The following RUNX2 variants were observed in gnomAD, a reference collection of about 807,000 sequenced individuals.
RUNX2 encodes runt-related transcription factor 2.
In RUNX2, 10 loss-of-function variants were observed where a neutral mutation model predicts 51.7. That is an observed-to-expected ratio of 0.19 (90% CI 0.12 to 0.33). RUNX2 has a LOEUF of 0.33. Among genes scored for constraint, RUNX2 ranks in the 10% least tolerant of loss-of-function variants. The pLI is 1.00. For missense variants in RUNX2, 562 were observed against 691.3 expected (o/e 0.81, Z 2.10); for synonymous variants, 276 against 273.6 (o/e 1.01, Z -0.09).
chr6:45,445,837 T>C (rs1327310007), intron 5 of RUNX2, among the ~76,000 whole-genome samples: 1 of 141,786 alleles, frequency 7.1e-6, no homozygotes, highest in East Asian at 2.2e-4. Flanking sequence ...GGCGGGGGGA[T>C]GGGTCAGAAG....
At chr6:45,469,420 T>C (rs1799733118) in intron 5 of RUNX2, among the ~76,000 whole-genome samples, 1 of 152,228 alleles carries the variant, frequency 6.6e-6, no homozygotes, top group Non-Finnish European at 1.5e-5. Flanking sequence ...TATCCTCATG[T>C]CATAAACTTC....
intron 2 of RUNX2, among the ~76,000 whole-genome samples, chr6:45,348,092 T>C (rs761532351): frequency 1.3e-5 from 2 of 152,146 alleles, no homozygotes; most frequent in Non-Finnish European, 2.9e-5. Flanking sequence ...GTCTAGCTTA[T>C]AGTTTTTACG....
intron 4 of RUNX2, among the ~76,000 whole-genome samples, chr6:45,432,813 A>G (rs1349812288): frequency 6.6e-6 from 1 of 152,178 alleles, no homozygotes. Flanking sequence ...GACTTTTACT[A>G]GTTACTCACT....
At chr6:45,469,434 T>C (rs1481843666) in intron 5 of RUNX2, among the ~76,000 whole-genome samples, 2 of 152,240 alleles carry the variant, frequency 1.3e-5, no homozygotes, top group Non-Finnish European at 2.9e-5. Context: ...AAACTTCTAA[T>C]AGTACAAAAT....
At chr6:45,361,198 A>T (rs1033922203) in intron 2 of RUNX2, among the ~76,000 whole-genome samples, 6 of 152,138 alleles carry the variant, frequency 3.9e-5, no homozygotes, top group Non-Finnish European at 5.9e-5. Context: ...TCTGATTAAA[A>T]TTTTTTTAAT....
At chr6:45,419,931 C>T (rs1798143787) in intron 2 of RUNX2, among the ~76,000 whole-genome samples, 1 of 150,274 alleles carries the variant, frequency 6.7e-6, no homozygotes, top group Admixed American at 6.6e-5. Flanking sequence ...GGGAGGGGCG[C>T]GGCTTGGGGC....
At chr6:45,412,906 C>T (rs113452770) in intron 2 of RUNX2, among the ~76,000 whole-genome samples, 22 of 152,106 alleles carry the variant, frequency 1.4e-4, no homozygotes, top group South Asian at 4.2e-4. Context: ...CCACCACACT[C>T]GGCTGATTTT....
chr6:45,403,601 A>G (rs965941577), intron 2 of RUNX2, among the ~76,000 whole-genome samples: 2 of 152,172 alleles, frequency 1.3e-5, no homozygotes, highest in Non-Finnish European at 2.9e-5. Context: ...TAGTCTATTC[A>G]AGGAACTAGA....
At position 45,422,789 on chromosome 6, in the gene RUNX2, G is replaced by GGCGGCA. The variant is rs1301305637; in HGVS notation, c.258_263dup (p.Ala88_Ala89dup). On this transcript the variant is annotated inframe_insertion, in exon 3 of 9. Coordinates refer to ENST00000647337, the MANE Select transcript of RUNX2 (RefSeq NM_001024630.4). ...CTGCGGCGGCGGCGGCGGCTGCGGC[G>GGCGGCA]GCGGCAGCTGCAGTGCCCCGGTTGC... 1 of 1,482,248 alleles carries GGCGGCA rather than the reference G, an allele frequency of 6.7e-7. No homozygotes were observed. The highest frequency in any genetic ancestry group is 8.9e-7 in the Non-Finnish European group (1 of 1,121,028). The allele number at this position is 1,482,248 out of a possible 1,614,324, so 91.8% of individuals were successfully genotyped here. A position where few individuals can be genotyped will look rare whatever the true frequency, so the allele number is the denominator to read the frequency against.
intron 2 of RUNX2, among the ~76,000 whole-genome samples, chr6:45,386,452 G>T (rs1274162196): frequency 6.6e-6 from 1 of 152,162 alleles, no homozygotes; most frequent in Non-Finnish European, 1.5e-5. Flanking sequence ...CATATGTATA[G>T]ATTGTAGCAG....
At chr6:45,534,011 C>T (rs1047162165) in intron 7 of RUNX2, among the ~76,000 whole-genome samples, 3 of 151,452 alleles carry the variant, frequency 2.0e-5, no homozygotes, top group Non-Finnish European at 2.9e-5. Flanking sequence ...TCTCATGCCT[C>T]AGCCTCCCGA....
chr6:45,412,739 A>G (rs1797977730), intron 2 of RUNX2, among the ~76,000 whole-genome samples: 2 of 148,774 alleles, frequency 1.3e-5, no homozygotes, highest in South Asian at 4.2e-4. Flanking sequence ...TGCCCCTTTT[A>G]TTGTTATTTA....
At chr6:45,537,122 A>G (rs1563129392) in intron 7 of RUNX2, among the ~76,000 whole-genome samples, 1 of 152,144 alleles carries the variant, frequency 6.6e-6, no homozygotes, top group East Asian at 1.9e-4. Context: ...CAATGAGTTT[A>G]CCTAAGGAAT....
chr6:45,348,809 G>A (rs1025428822), intron 2 of RUNX2, among the ~76,000 whole-genome samples: 2 of 152,038 alleles, frequency 1.3e-5, no homozygotes, highest in Admixed American at 6.6e-5. Context: ...ACAACTCTGT[G>A]TAACCAAAAT....
intron 2 of RUNX2, among the ~76,000 whole-genome samples, chr6:45,337,773 GTTTA>G (rs1788893868): frequency 1.3e-5 from 2 of 151,880 alleles, no homozygotes; most frequent in Non-Finnish European, 2.9e-5. Context: ...TGGTTGTTAT[GTTTA>G]TTTTTGTTTA....
At chr6:45,507,602 A>AT (rs926383031) in intron 6 of RUNX2, among the ~76,000 whole-genome samples, 32 of 152,256 alleles carry the variant, frequency 2.1e-4, no homozygotes, top group Non-Finnish European at 3.5e-4. Flanking sequence ...TTTTACAGCC[A>AT]TTTTTTTCCC....
chr6:45,406,398 G>A (rs1797834271), intron 2 of RUNX2, among the ~76,000 whole-genome samples: 1 of 152,088 alleles, frequency 6.6e-6, no homozygotes, highest in Non-Finnish European at 1.5e-5. Flanking sequence ...AAGACTCTTA[G>A]CATTATATTT....
At chr6:45,417,680 C>T (rs1184412445) in intron 2 of RUNX2, among the ~76,000 whole-genome samples, 1 of 152,114 alleles carries the variant, frequency 6.6e-6, no homozygotes, top group African/African-American at 2.4e-5. Flanking sequence ...GGCCTTGTGA[C>T]TCGTACAGTG....
chr6:45,364,397 G>A (rs1185372722), intron 2 of RUNX2, among the ~76,000 whole-genome samples: 1 of 152,130 alleles, frequency 6.6e-6, no homozygotes, highest in Admixed American at 6.6e-5. Context: ...ACAAGAGGAA[G>A]ACACTTAAAC....
Sources: allele counts gnomAD v4.1 joint callset (sites outside exome capture counted in the v4.1 genomes callset), GRCh38; gene constraint gnomAD v4.1.1; transcripts MANE v1.5; gene names NCBI Gene and HGNC (gene_info 2026-07-23, HGNC 2026-07-21).